The following DPYD variants were observed in gnomAD, a reference collection of about 807,000 sequenced individuals.
DPYD encodes the protein dihydropyrimidine dehydrogenase [NADP(+)].
DPYD carries 109 observed loss-of-function variants against 116.2 expected under a neutral mutation model. The ratio of observed to expected loss-of-function variants is 0.94; its 90% CI spans 0.80 to 1.10. The LOEUF is 1.10. Ranked by LOEUF, DPYD falls within the 50% of genes least tolerant of loss-of-function variation. The pLI is 0.00. For missense variants in DPYD, 1,302 were observed against 1,254.5 expected (o/e 1.04, Z -0.57); for synonymous variants, 440 against 432.0 (o/e 1.02, Z -0.23).
chr1:97,682,942 G>A (rs999195668), intron 7 of DPYD, among the ~76,000 whole-genome samples: 2 of 151,936 alleles, frequency 1.3e-5, no homozygotes, highest in Non-Finnish European at 2.9e-5. Flanking sequence ...CTGAGCCAAA[G>A]TTCCATCTAA....
rs999257589 is a variant in DPYD, at chr1:97,584,780, C to T, written c.1128+8438G>A. 2.2e-3 allele frequency among the ~76,000 whole-genome samples: 276 copies of T among 124,668 alleles called. 2 individuals are homozygous for T. Among genetic ancestry groups the T allele is most frequent in the African/African-American group, 8.0e-3 (254 of 31,640 alleles). The allele number at this position is 124,668 out of a possible 152,430, so 81.8% of individuals were successfully genotyped here. A position where few individuals can be genotyped will look rare whatever the true frequency, so the allele number is the denominator to read the frequency against. On this transcript the variant is annotated intron_variant, in intron 10 of 22. Transcript: ENST00000370192. ...CACATGGACACAGGAAGGGGAACATCACACACCGGGGACTGTTGTGGGGTG... is the reference window on the plus strand; with the variant it reads ...CACATGGACACAGGAAGGGGAACATTACACACCGGGGACTGTTGTGGGGTG...
rs1661810914 is a variant in DPYD at position 97,234,968 on chromosome 1, T to G, written c.2326A>C (p.Arg776=). 6.2e-7 allele frequency: 1 copy of G among 1,613,878 alleles called. No individual in the cohort carries two copies. Residue 776 remains arginine (R), a synonymous_variant, in exon 19 of 23, where the codon AGA becomes CGA. Coordinates refer to ENST00000370192, the MANE Select transcript of DPYD (RefSeq NM_000110.4). The part of the protein sequence containing the change: ...SGTAIRPIAL[R]AVTSIARALP... ...GCACGAGCAATGGAGGTCACAGCTC[T>G]CAAAGCAATAGGTCTGATTGCTGTC...
At chr1:97,217,590 A>C (rs995201090) in intron 19 of DPYD, among the ~76,000 whole-genome samples, 3 of 152,098 alleles carry the variant, frequency 2.0e-5, no homozygotes, top group African/African-American at 7.2e-5. Flanking sequence ...ATGTGTGCCC[A>C]AATTGTTTGC....
chr1:97,152,360 G>T (rs1306538884), intron 20 of DPYD, among the ~76,000 whole-genome samples: 1 of 151,836 alleles, frequency 6.6e-6, no homozygotes, highest in African/African-American at 2.4e-5. Flanking sequence ...GTCAATGTCA[G>T]TATTAAATCT....
chr1:97,546,381 A>C (rs763867385), intron 12 of DPYD: 2 of 1,460,478 alleles, frequency 1.4e-6, no homozygotes, highest in Non-Finnish European at 1.9e-6. Context: ...AAGATGAAGA[A>C]GAAGTTTCAG....
chr1:97,387,813 C>G (rs2101589150), intron 14 of DPYD, among the ~76,000 whole-genome samples: 1 of 152,058 alleles, frequency 6.6e-6, no homozygotes, highest in South Asian at 2.1e-4. Context: ...CATGAGAGGA[C>G]AGGAATAGTA....
intron 20 of DPYD, among the ~76,000 whole-genome samples, chr1:97,101,469 CAAAAAA>C (rs59063384): frequency 7.7e-5 from 7 of 91,060 alleles, no homozygotes; most frequent in Non-Finnish European, 1.3e-4. Context: ...TTTGATCTTG[CAAAAAA>C]AAAAAAAAAA....
intron 16 of DPYD, among the ~76,000 whole-genome samples, chr1:97,359,206 G>A (rs1255660942): frequency 6.6e-6 from 1 of 151,896 alleles, no homozygotes; most frequent in Non-Finnish European, 1.5e-5. Flanking sequence ...TGGAAGAAAG[G>A]GTATCAGTGA....
At chr1:97,652,763 T>C (rs1658661700) in intron 8 of DPYD, among the ~76,000 whole-genome samples, 1 of 152,172 alleles carries the variant, frequency 6.6e-6, no homozygotes, top group Non-Finnish European at 1.5e-5. Flanking sequence ...GAAACTCAGA[T>C]GCTTTTTCAC....
chr1:97,501,768 T>C (rs1020248674), intron 13 of DPYD, among the ~76,000 whole-genome samples: 2 of 152,042 alleles, frequency 1.3e-5, no homozygotes, highest in Admixed American at 6.6e-5. Flanking sequence ...TAAAAAGTGC[T>C]CTGGGGTAGG....
chr1:97,345,051 T>C (rs12046771), intron 16 of DPYD, among the ~76,000 whole-genome samples: 32,212 of 151,786 alleles, frequency 0.21, 3,527 homozygotes, highest in South Asian at 0.34. Flanking sequence ...GTTTAATTCG[T>C]ATTTCCATTC....
chr1:97,733,207 C>T (rs1663731813), intron 4 of DPYD, among the ~76,000 whole-genome samples: 1 of 151,964 alleles, frequency 6.6e-6, no homozygotes. Context: ...ACAATGAAAA[C>T]TTAGAATAGG....
intron 16 of DPYD, among the ~76,000 whole-genome samples, chr1:97,354,494 T>C (rs550399827): frequency 6.6e-4 from 101 of 152,142 alleles, no homozygotes; most frequent in Middle Eastern, 3.4e-3. Context: ...TCACAGAAAA[T>C]TGTTAATAAT....
intron 3 of DPYD, among the ~76,000 whole-genome samples, chr1:97,746,075 G>A (rs558740769): frequency 6.6e-6 from 1 of 152,202 alleles, no homozygotes; most frequent in Non-Finnish European, 1.5e-5. Context: ...AAAGGTTGGA[G>A]TTTTACAGTA....
chr1:97,100,575 T>A (rs1190763073), intron 20 of DPYD, among the ~76,000 whole-genome samples: 1 of 152,078 alleles, frequency 6.6e-6, no homozygotes, highest in Non-Finnish European at 1.5e-5. Flanking sequence ...GGTTCTCTGT[T>A]TGGACTTTAC....
intron 11 of DPYD, among the ~76,000 whole-genome samples, chr1:97,569,007 G>C (rs1652718508): frequency 6.6e-6 from 1 of 152,086 alleles, no homozygotes; most frequent in East Asian, 1.9e-4. Context: ...AGGGTATGGA[G>C]GAGGCACAGA....
intron 2 of DPYD, among the ~76,000 whole-genome samples, chr1:97,846,389 C>A (rs1341217012): frequency 1.3e-5 from 2 of 152,184 alleles, no homozygotes; most frequent in Admixed American, 1.3e-4. Flanking sequence ...AATGATTGAA[C>A]CTAAGGAGGG....
At chr1:97,276,580 G>T (rs1272846546) in intron 18 of DPYD, among the ~76,000 whole-genome samples, 2 of 150,588 alleles carry the variant, frequency 1.3e-5, no homozygotes, top group Non-Finnish European at 2.9e-5. Context: ...TTAATCACCA[G>T]AGAAATGAAA....
At chr1:97,575,908 T>C (rs1653232136) in intron 10 of DPYD, among the ~76,000 whole-genome samples, 1 of 152,156 alleles carries the variant, frequency 6.6e-6, no homozygotes, top group Non-Finnish European at 1.5e-5. Flanking sequence ...TTTTCTGAAT[T>C]CACTTTTTTT....
Sources: allele counts gnomAD v4.1 joint callset (sites outside exome capture counted in the v4.1 genomes callset), GRCh38; gene constraint gnomAD v4.1.1; transcripts MANE v1.5; gene names NCBI Gene and HGNC (gene_info 2026-07-23, HGNC 2026-07-21).